Variants in CECR2 observed in about 807,000 individuals in gnomAD.
The protein encoded by CECR2 is CECR2 histone acetyl-lysine reader.
Under a neutral mutation model 154.5 loss-of-function variants are expected in CECR2, and 30 were observed. The observed-to-expected ratio is 0.19, with a 90% confidence interval of 0.15 to 0.26. The LOEUF (loss-of-function observed/expected upper bound fraction) is 0.26, where lower values mean the gene tolerates loss of function less well. Ranked by LOEUF, CECR2 falls within the 10% of genes least tolerant of loss-of-function variation. CECR2 has a pLI of 1.00. For synonymous variants in CECR2, 725 were observed against 683.7 expected, an observed-to-expected ratio of 1.06 and a Z score of -0.94; for missense variants, 1,743 against 1,829.3, an observed-to-expected ratio of 0.95 and a Z score of 0.86.
chr22:17,520,935 C>T (rs174307), intron 8 of CECR2, among the ~76,000 whole-genome samples: 24,717 of 152,050 alleles, frequency 0.16, 2,210 homozygotes, highest in Non-Finnish European at 0.2. Context: ...GCATGATTTA[C>T]AATCCTTTGG....
At chr22:17,464,394 C>CA (rs1221030647) in intron 1 of CECR2, among the ~76,000 whole-genome samples, 1 of 152,224 alleles carries the variant, frequency 6.6e-6, no homozygotes, top group Admixed American at 6.5e-5. Context: ...TGACAGAGGG[C>CA]ATCTTTGCTC....
Position 17,483,102 on chromosome 22 carries a change from C to T in CECR2, c.221+5420C>T, listed in dbSNP as rs902752326. 1.1e-4 allele frequency among the ~76,000 whole-genome samples: 16 copies of T among 152,230 alleles called. 1 individual carries two copies. Among genetic ancestry groups the T allele is most frequent in the African/African-American group, 3.6e-4 (15 of 41,466 alleles). On this transcript the variant is annotated intron_variant, in intron 2 of 18. Transcript: ENST00000262608. ...ACCGTGCATGTTACTGCCTTGAAGA[C>T]GTTCCAGTGGGACAAGATGTCGAGG...
At chr22:17,375,126 A>ATT (rs1491145126) in intron 1 of CECR2, among the ~76,000 whole-genome samples, 2 of 151,670 alleles carry the variant, frequency 1.3e-5, no homozygotes, top group Non-Finnish European at 2.9e-5. Flanking sequence ...ATATATATAT[A>ATT]TTTTTGAGTC....
chr22:17,542,933 C>G lies in CECR2; in HGVS notation c.2790C>G (p.Pro930=), dbSNP rs753241028. The part of the protein sequence containing the change: ...AHPMSVTVSA[P]KPALGNPGRA... ...CAATGTCAGTCACTGTGTCAGCCCC[C>G]AAGCCTGCCCTGGGCAACCCTGGGA... The change falls in exon 16 of 19, where the codon CCC becomes CCG. Residue 930 remains proline (P), a synonymous_variant. Coordinates refer to ENST00000262608, the MANE Select transcript of CECR2 (RefSeq NM_001290047.2). The G allele has an allele frequency of 1.9e-6, 3 of 1,613,968 alleles. No homozygotes were observed. The highest frequency in any genetic ancestry group is 1.7e-5 in the Admixed American group (1 of 60,014).
At chr22:17,470,948 TGA>T (rs2055117187) in intron 1 of CECR2, among the ~76,000 whole-genome samples, 1 of 152,204 alleles carries the variant, frequency 6.6e-6, no homozygotes, top group African/African-American at 2.4e-5. Context: ...AATTCAGCAG[TGA>T]TCTCCTAGTA....
In CECR2 at chr22:17,524,423, C is replaced by T. The variant is rs1365215199; in HGVS notation, c.1108+152C>T. ...TTTTTTTTTTTTTGAGACGGAGTCT[C>T]GCTGTGTCGCCCAGGCTGGAGTGCA... On this transcript the variant is annotated intron_variant, in intron 9 of 18. Coordinates refer to ENST00000262608, the MANE Select transcript of CECR2 (RefSeq NM_001290047.2). The T allele has an allele frequency of 1.0e-4, 81 of 807,070 alleles. 1 individual carries two copies. Among genetic ancestry groups the T allele is most frequent in the Non-Finnish European group, 1.2e-4 (70 of 565,060 alleles). 50.0% of individuals were successfully genotyped at this position (807,070 alleles called of 1,614,324 possible). A position where few individuals can be genotyped will look rare whatever the true frequency, so the allele number is the denominator to read the frequency against.
intron 1 of CECR2, among the ~76,000 whole-genome samples, chr22:17,440,949 GGGGGGGAGGGGCA>G (rs1569084126): frequency 6.6e-6 from 1 of 150,464 alleles, no homozygotes; most frequent in Non-Finnish European, 1.5e-5. Flanking sequence ...CACTGTTTTT[GGGGGGGAGGGGCA>G]GGGGGCAGGG....
intron 1 of CECR2, among the ~76,000 whole-genome samples, chr22:17,437,501 A>G (rs572548424): frequency 6.6e-6 from 1 of 152,140 alleles, no homozygotes; most frequent in African/African-American, 2.4e-5. Context: ...GAACTCACAT[A>G]CGTACACTTC....
chr22:17,524,389 T>C, intron 9 of CECR2, 118 bp downstream of exon 9: 1 of 461,392 alleles, frequency 2.2e-6, no homozygotes, highest in Non-Finnish European at 2.9e-6. Flanking sequence ...GGCAATTTCT[T>C]TTTTTTTTTT....
intron 6 of CECR2, 56 bp downstream of exon 6, chr22:17,503,187 T>C: frequency 2.0e-6 from 3 of 1,493,004 alleles, no homozygotes; most frequent in South Asian, 2.4e-5. Context: ...TCATTTATGC[T>C]AGGGTGTTGA....
chr22:17,406,239 G>A (rs1329737634), intron 1 of CECR2, among the ~76,000 whole-genome samples: 2 of 152,102 alleles, frequency 1.3e-5, no homozygotes, highest in African/African-American at 4.8e-5. Flanking sequence ...GAATGTGTAG[G>A]ACCGGGCATG....
At chr22:17,533,687 G>A (rs1456095201) in intron 9 of CECR2, among the ~76,000 whole-genome samples, 1 of 149,122 alleles carries the variant, frequency 6.7e-6, no homozygotes, top group East Asian at 2.0e-4. Flanking sequence ...ATATAAAAGA[G>A]CAAAGGGCCT....
Position 17,540,419 on chromosome 22 carries a change from C to T in CECR2, c.1503C>T (p.Thr501=), listed in dbSNP as rs1261923923. ...CCTCCTGTCTTCCTATAGAGTATAC[C>T]AAGATGTCTGATAATTTAGAGAGGT... ...RKYNGESSEY[T]KMSDNLERCF... Residue 501 remains threonine (T), a synonymous_variant, in exon 14 of 19, where the codon ACC becomes ACT. Coordinates refer to ENST00000262608, the MANE Select transcript of CECR2 (RefSeq NM_001290047.2). 3 of 1,543,956 alleles carry T rather than the reference C, an allele frequency of 1.9e-6. No homozygotes were observed. The highest frequency in any genetic ancestry group is 2.6e-6 in the Non-Finnish European group (3 of 1,144,490).
At chr22:17,399,269 G>A (rs1479069790) in intron 1 of CECR2, among the ~76,000 whole-genome samples, 1 of 152,080 alleles carries the variant, frequency 6.6e-6, no homozygotes. Context: ...TCTTTCTGTA[G>A]ACCTCAGTTT....
chr22:17,500,912 C>G (rs577813137), intron 5 of CECR2, among the ~76,000 whole-genome samples, 177 bp downstream of exon 5: 1 of 152,330 alleles, frequency 6.6e-6, no homozygotes, highest in Admixed American at 6.5e-5. Flanking sequence ...TAGTGTGTGA[C>G]ATCTGGCAAG....
At chr22:17,491,589 GT>G (rs372968157) in intron 2 of CECR2, among the ~76,000 whole-genome samples, 14,090 of 111,260 alleles carry the variant, frequency 0.13, 1,618 homozygotes, top group Non-Finnish European at 0.18. Flanking sequence ...GTGTGGGGGG[GT>G]GGGTGTTTAG....
intron 9 of CECR2, among the ~76,000 whole-genome samples, chr22:17,532,106 G>A (rs1360934018): frequency 6.6e-6 from 1 of 152,078 alleles, no homozygotes; most frequent in African/African-American, 2.4e-5. Context: ...GGAGGTCAAG[G>A]CTGCAGTGAG....
chr22:17,370,471 G>T (rs2063045389), intron 1 of CECR2, among the ~76,000 whole-genome samples: 1 of 151,966 alleles, frequency 6.6e-6, no homozygotes, highest in Non-Finnish European at 1.5e-5. Flanking sequence ...ACTTCGGGCC[G>T]GTGGGGACCG....
At chr22:17,526,808 CAAAAAAAA>C (rs34800488) in intron 9 of CECR2, among the ~76,000 whole-genome samples, 1 of 71,676 alleles carries the variant, frequency 1.4e-5, no homozygotes, top group African/African-American at 6.2e-5. Flanking sequence ...GACTCCATCT[CAAAAAAAA>C]AAAAAAAAAA....
Sources: gnomAD v4.1 joint callset for allele counts (sites outside exome capture counted in the v4.1 genomes callset) on GRCh38, gnomAD v4.1.1 for gene constraint, MANE v1.5 for transcripts, NCBI Gene and HGNC (gene_info 2026-07-23, HGNC 2026-07-21) for gene names.